Variants in ANKDD1B observed in about 807,000 individuals in gnomAD.
ANKDD1B encodes ankyrin repeat and death domain-containing protein 1B.
In ANKDD1B, 57 loss-of-function variants were observed where a neutral mutation model predicts 59.7. That is an observed-to-expected ratio of 0.95 (90% confidence interval 0.77 to 1.19). ANKDD1B has a LOEUF of 1.19. Among genes scored for constraint, ANKDD1B ranks in the 50% most tolerant of loss-of-function variants. The pLI, the probability that ANKDD1B is intolerant of heterozygous loss-of-function variation, is 0.00. For synonymous variants in ANKDD1B, 216 were observed against 239.5 expected, an observed-to-expected ratio of 0.90 and a Z score of 0.91; for missense variants, 602 against 641.9, an observed-to-expected ratio of 0.94 and a Z score of 0.67.
chr5:75,652,688 C>T (rs543670237), intron 7 of ANKDD1B, among the ~76,000 whole-genome samples: 1 of 152,360 alleles, frequency 6.6e-6, no homozygotes, highest in East Asian at 1.9e-4. Context: ...ATCTACTGGC[C>T]TTGGCCTTCC....
Position 75,656,132 on chromosome 5 carries a change from G to A in ANKDD1B, c.996+5G>A. The A allele has an allele frequency of 1.4e-6, 2 of 1,447,918 alleles. No individual in the cohort carries two copies. The highest frequency in any genetic ancestry group is 9.3e-7 in the Non-Finnish European group (1 of 1,071,788). The allele number at this position is 1,447,918 out of a possible 1,614,324, so 89.7% of individuals were successfully genotyped here. On this transcript the variant is annotated splice_donor_5th_base_variant and intron_variant, in intron 9 of 13. Coordinates refer to ENST00000601380, the MANE Select transcript of ANKDD1B (RefSeq NM_001276713.2). ...GATATTGACATCTTAAATCAGGTAAGCCAGGCAAATCAGAGCCTGGAGGGT... is the reference window on the plus strand; with the variant it reads ...GATATTGACATCTTAAATCAGGTAAACCAGGCAAATCAGAGCCTGGAGGGT...
chr5:75,667,866 G>C (rs970924410), intron 12 of ANKDD1B, among the ~76,000 whole-genome samples: 3 of 152,152 alleles, frequency 2.0e-5, no homozygotes. Context: ...CACAGTCCAT[G>C]AGCACACACT....
At position 75,629,263 on chromosome 5, in the gene ANKDD1B, C is replaced by T. The variant is rs375458851; in HGVS notation, c.600+3308C>T. Among the ~76,000 whole-genome samples the T allele has an allele frequency of 3.1e-3, 470 of 152,124 alleles. 1 individual carries two copies. The highest frequency in any genetic ancestry group is 0.011 in the African/African-American group (446 of 41,510). On this transcript the variant is annotated intron_variant, in intron 5 of 13. Coordinates refer to ENST00000601380, the MANE Select transcript of ANKDD1B (RefSeq NM_001276713.2). Reference sequence around the variant, plus strand: ...GTGCCACTTTTTCATATTTAACACACTGCTTTTTTTTTTTAACCTCATGAC... The same window carrying T: ...GTGCCACTTTTTCATATTTAACACATTGCTTTTTTTTTTTAACCTCATGAC...
chr5:75,653,043 C>A, intron 7 of ANKDD1B, 99 bp from the exon 8 acceptor site: 2 of 804,190 alleles, frequency 2.5e-6, no homozygotes, highest in South Asian at 1.5e-5. Flanking sequence ...TGTAGTTGTA[C>A]TATTTCATTG....
chr5:75,648,034 T>C (rs1214231743), intron 7 of ANKDD1B, among the ~76,000 whole-genome samples: 1 of 112,962 alleles, frequency 8.9e-6, no homozygotes, highest in Admixed American at 9.4e-5. Flanking sequence ...TTCTCACTCA[T>C]AGGTGGGAAT....
chr5:75,626,063 C>T (rs895200836), intron 5 of ANKDD1B, 108 bp downstream of exon 5: 3 of 742,598 alleles, frequency 4.0e-6, no homozygotes, highest in Admixed American at 2.3e-5. Flanking sequence ...AGACCCGGCC[C>T]TGTAGCCGGC....
rs1774259583 is a variant in ANKDD1B, at chr5:75,634,940, G to A, written c.643G>A (p.Val215Ile). The change falls in exon 6 of 14, where the codon GTT (valine) becomes ATT (isoleucine). Residue 215 changes from valine (V) to isoleucine (I), a missense_variant. Around this residue, in one of 3 missense-constraint regions of ANKDD1B, gnomAD observed 317 missense variants for 304.6 expected, o/e 1.04. Transcript: ENST00000601380. The stretch of plus-strand genomic sequence containing the variant: ...TCTTTTGGCAGCTGAGAGGGGCCAT[G>A]TTGAAATGATAGAAAAACTTACCTT... ...PFLLAAERGH[V>I]EMIEKLTFLN... 6.5e-7 allele frequency: 1 copy of A among 1,535,894 alleles called. No individual in the cohort carries two copies. Among genetic ancestry groups the A allele is most frequent in the Non-Finnish European group, 8.7e-7 (1 of 1,146,620 alleles).
intron 2 of ANKDD1B, 70 bp downstream of exon 2, chr5:75,616,977 A>G (rs575281661): frequency 1.2e-4 from 80 of 648,048 alleles, no homozygotes; most frequent in Non-Finnish European, 2.0e-4. Context: ...GGACATCTGA[A>G]ATAATAATAA....
chr5:75,616,920 C>T lies in ANKDD1B; in HGVS notation c.297+13C>T, dbSNP rs1419036294. On this transcript the variant is annotated intron_variant, in intron 2 of 13. Coordinates refer to ENST00000601380, the MANE Select transcript of ANKDD1B (RefSeq NM_001276713.2). ...TGTTGTGAACAATGTGAGTAGAAGT[C>T]ATAAATATGACAAGTGACTTCTCCA... 7.7e-7 allele frequency: 1 copy of T among 1,293,294 alleles called. No homozygotes were observed. Among genetic ancestry groups the T allele is most frequent in the Non-Finnish European group, 1.1e-6 (1 of 934,812 alleles). 80.1% of individuals were successfully genotyped at this position (1,293,294 alleles called of 1,614,324 possible).
At chr5:75,655,852 T>C (rs763524029) in intron 8 of ANKDD1B, among the ~76,000 whole-genome samples, 177 bp from the exon 9 acceptor site, 49 of 152,302 alleles carry the variant, frequency 3.2e-4, no homozygotes, top group Non-Finnish European at 4.3e-4. Flanking sequence ...GGAACGAGTT[T>C]GTTTCAAAGC....
At chr5:75,666,032 T>A in intron 11 of ANKDD1B, among the ~76,000 whole-genome samples, 1 of 152,214 alleles carries the variant, frequency 6.6e-6, no homozygotes, top group East Asian at 1.9e-4. Flanking sequence ...GGAGGCCTAG[T>A]GGCATAAGCA....
chr5:75,668,455 A>T (rs1471872236), intron 12 of ANKDD1B, among the ~76,000 whole-genome samples: 1 of 152,232 alleles, frequency 6.6e-6, no homozygotes, highest in Non-Finnish European at 1.5e-5. Flanking sequence ...GGACTTGTCC[A>T]GGAGTACATT....
rs1773727342 is a variant in ANKDD1B, at chr5:75,616,788, CT to C, written c.194-13del. 1.5e-6 allele frequency: 2 copies of C among 1,349,100 alleles called. No individual in the cohort carries two copies. The highest frequency in any genetic ancestry group is 2.0e-6 in the Non-Finnish European group (2 of 981,866). The allele number at this position is 1,349,100 out of a possible 1,614,324, so 83.6% of individuals were successfully genotyped here. ...CCTTAAATTCCCTCAGTCATGCTTG[CT>C]TTGCTTTCTTTCAGTACTCCCAAAT... On this transcript the variant is annotated splice_polypyrimidine_tract_variant and intron_variant, in intron 1 of 13. Coordinates refer to ENST00000601380, the MANE Select transcript of ANKDD1B (RefSeq NM_001276713.2).
chr5:75,612,218 A>G (rs2112946589), intron 1 of ANKDD1B, among the ~76,000 whole-genome samples: 1 of 152,086 alleles, frequency 6.6e-6, no homozygotes, highest in Non-Finnish European at 1.5e-5. Context: ...AAGTTTTTAA[A>G]GCATGGAGTG....
At chr5:75,641,546 C>T (rs926726178) in intron 7 of ANKDD1B, among the ~76,000 whole-genome samples, 31 of 152,166 alleles carry the variant, frequency 2.0e-4, no homozygotes, top group African/African-American at 7.0e-4. Context: ...AATCCATACA[C>T]ATATATATAC....
intron 1 of ANKDD1B, among the ~76,000 whole-genome samples, chr5:75,615,426 G>T (rs1773686006): frequency 6.6e-6 from 1 of 152,046 alleles, no homozygotes; most frequent in Non-Finnish European, 1.5e-5. Context: ...CAAGAGTAGG[G>T]GTAGGAACGA....
intron 10 of ANKDD1B, among the ~76,000 whole-genome samples, chr5:75,660,352 C>G (rs1302962063): frequency 6.6e-6 from 1 of 152,182 alleles, no homozygotes; most frequent in Admixed American, 6.5e-5. Flanking sequence ...ATAGTATTTG[C>G]CTTTTTGTGA....
Position 75,653,244 on chromosome 5 carries a change from A to G in ANKDD1B, c.897+4A>G. 1 of 1,534,434 alleles carries G rather than the reference A, an allele frequency of 6.5e-7. No homozygotes were observed. The highest frequency in any genetic ancestry group is 8.7e-7 in the Non-Finnish European group (1 of 1,145,490). On this transcript the variant is annotated splice_donor_region_variant and intron_variant, in intron 8 of 13. Transcript: ENST00000601380. ...TGATCTGCACCAGAAAGTGGAAGTG[A>G]GTTTATTCCAATGACACGGGCTTTG... is the stretch of plus-strand genomic sequence containing the variant.
chr5:75,650,344 CTG>C (rs1432812256), intron 7 of ANKDD1B, among the ~76,000 whole-genome samples: 1 of 152,188 alleles, frequency 6.6e-6, no homozygotes, highest in African/African-American at 2.4e-5. Flanking sequence ...CCTCAGCTAA[CTG>C]TTGCTGGTTT....
Sources: gnomAD v4.1 joint callset for allele counts (sites outside exome capture counted in the v4.1 genomes callset) on GRCh38, gnomAD v4.1.1 for gene constraint, gnomAD v4.1.1 regional missense constraint, MANE v1.5 for transcripts, NCBI Gene and HGNC (gene_info 2026-07-23, HGNC 2026-07-21) for gene names.